Variants in EBNA1BP2 observed in about 807,000 individuals in gnomAD.
EBNA1BP2 encodes the protein probable rRNA-processing protein EBP2.
A neutral mutation model predicts 43.5 loss-of-function variants in EBNA1BP2; 36 were observed. The ratio of observed to expected loss-of-function variants is 0.83; its 90% CI spans 0.63 to 1.09. The LOEUF is 1.09. Among genes scored for constraint, EBNA1BP2 ranks in the 50% least tolerant of loss-of-function variants. EBNA1BP2 has a pLI of 0.00. For missense variants in EBNA1BP2, 332 were observed against 379.1 expected, an observed-to-expected ratio of 0.88 and a Z score of 1.03; for synonymous variants, 127 against 141.3, an observed-to-expected ratio of 0.90 and a Z score of 0.72.
chr1:43,165,367 A>C (rs1406917149), intron 7 of EBNA1BP2, among the ~76,000 whole-genome samples: 2 of 152,182 alleles, frequency 1.3e-5, no homozygotes, highest in Non-Finnish European at 2.9e-5. Flanking sequence ...CTTCCTGTAC[A>C]TATGCCCTCA....
At position 43,164,649 on chromosome 1, in the gene EBNA1BP2, C is replaced by T. The variant is rs144683125; in HGVS notation, c.864G>A (p.Gly288=). The T allele has an allele frequency of 7.4e-6, 12 of 1,614,048 alleles. No individual in the cohort carries two copies. The highest frequency in any genetic ancestry group is 9.3e-6 in the Non-Finnish European group (11 of 1,180,032). Residue 288 remains glycine, a synonymous_variant, in exon 8 of 9, where the codon GGG becomes GGA. Transcript: ENST00000236051. The part of the protein sequence containing the change: ...GRGLKRPGKK[G]SNKRPGKRTR... ...GGCACCTGGGCTCACTTACATTTGA[C>T]CCTTTCTTGCCAGGCCTCTTGAGGC...
rs116729736 is a variant in EBNA1BP2 at position 43,170,080 on chromosome 1, T to C, written c.447+676A>G. Among the ~76,000 whole-genome samples, 30 of 152,354 alleles carry C rather than the reference T, an allele frequency of 2.0e-4. No homozygotes were observed. The East Asian group carries it at 2.9e-3, about 15-fold the overall frequency. On this transcript the variant is annotated intron_variant, in intron 4 of 8. Coordinates refer to ENST00000236051, the MANE Select transcript of EBNA1BP2 (RefSeq NM_006824.3). ...CTTTAAATAGTCTCTAGATTACTTA[T>C]AATACCGAATACAATGCTATGCATC...
Position 43,166,862 on chromosome 1 carries a change from T to G in EBNA1BP2, c.671A>C (p.Lys224Thr). Residue 224 changes from lysine to threonine, a missense_variant, in exon 7 of 9, where the codon AAG becomes ACG. Lys to Thr is a moderately conservative substitution (Grantham distance 78). Coordinates refer to ENST00000236051, the MANE Select transcript of EBNA1BP2 (RefSeq NM_006824.3). The part of the protein sequence containing the change: ...EGDQKPLAQR[K>T]KAGAKGQQMR... ...CTGCTGGCCTTTGGCTCCTGCCTTCTTGCGCTGTGCCAGAGGTTTCTGATC... is the reference window on the plus strand; with the variant it reads ...CTGCTGGCCTTTGGCTCCTGCCTTCGTGCGCTGTGCCAGAGGTTTCTGATC... 1 of 1,613,000 alleles carries G rather than the reference T, an allele frequency of 6.2e-7. No homozygotes were observed. Among genetic ancestry groups the G allele is most frequent in the South Asian group, 1.1e-5 (1 of 90,832 alleles).
chr1:43,164,663 G>A lies in EBNA1BP2; in HGVS notation c.850C>T (p.Pro284Ser), dbSNP rs201723368. 1 of 1,614,184 alleles carries A rather than the reference G, an allele frequency of 6.2e-7. No individual in the cohort carries two copies. ...KTAHGRGLKR[P>S]GKKGSNKRPG... ...CTTACATTTGACCCTTTCTTGCCAG[G>A]CCTCTTGAGGCCTCTGCCATGAGCT... Residue 284 changes from proline to serine, a missense_variant, in exon 8 of 9, where the codon CCT becomes TCT. By Grantham distance (74) the Pro-to-Ser change is moderately conservative (BLOSUM62 -1). This residue lies in a region of EBNA1BP2 where 59 missense variants were observed against 53.3 expected (regional missense o/e 1.11). Coordinates refer to ENST00000236051, the MANE Select transcript of EBNA1BP2 (RefSeq NM_006824.3).
At chr1:43,171,427 A>G (rs1644968774) in intron 3 of EBNA1BP2, 52 bp downstream of exon 3, 2 of 1,552,330 alleles carry the variant, frequency 1.3e-6, no homozygotes, top group African/African-American at 1.4e-5. Flanking sequence ...CCTCTTTCCC[A>G]CTCTCCTGCA....
chr1:43,165,907 C>T (rs909323558), intron 7 of EBNA1BP2, among the ~76,000 whole-genome samples: 1 of 152,168 alleles, frequency 6.6e-6, no homozygotes, highest in Non-Finnish European at 1.5e-5. Flanking sequence ...AAGCAATGCT[C>T]AAGTCGAACG....
Position 43,164,372 on chromosome 1 carries a change from G to T in EBNA1BP2, c.*71C>A. On this transcript the variant is annotated 3_prime_UTR_variant, in exon 9 of 9. Coordinates refer to ENST00000236051, the MANE Select transcript of EBNA1BP2 (RefSeq NM_006824.3). The stretch of plus-strand genomic sequence containing the variant: ...GTTTACAACATGACACCAACAGAAG[G>T]GATCAAAGTGTGTCGTGAAATTGCG... The T allele has an allele frequency of 6.4e-7, 1 of 1,570,436 alleles. No homozygotes were observed. Among genetic ancestry groups the T allele is most frequent in the Non-Finnish European group, 8.8e-7 (1 of 1,140,768 alleles).
intron 6 of EBNA1BP2, 109 bp from the exon 7 acceptor site, chr1:43,167,028 T>C: frequency 6.7e-7 from 1 of 1,485,922 alleles, no homozygotes; most frequent in Non-Finnish European, 9.3e-7. Flanking sequence ...AGTCACATCC[T>C]GCTCTCCAAC....
intron 6 of EBNA1BP2, 69 bp from the exon 7 acceptor site, chr1:43,166,988 G>A (rs914134475): frequency 1.0e-5 from 16 of 1,557,034 alleles, no homozygotes; most frequent in African/African-American, 4.1e-5. Context: ...ACCACCATAT[G>A]AGGCTGTTAT....
At position 43,164,631 on chromosome 1, in the gene EBNA1BP2, G is replaced by A; in HGVS notation, c.870+12C>T. ...GAGCCTGCTCCTCACCCGGGCACCT[G>A]GGCTCACTTACATTTGACCCTTTCT... On this transcript the variant is annotated intron_variant, in intron 8 of 8. Transcript: ENST00000236051. 1 of 1,614,078 alleles carries A rather than the reference G, an allele frequency of 6.2e-7. No individual in the cohort carries two copies.
At chr1:43,171,058 T>C (rs1053168873) in intron 3 of EBNA1BP2, 179 bp from the exon 4 acceptor site, 6 of 895,786 alleles carry the variant, frequency 6.7e-6, no homozygotes, top group African/African-American at 3.5e-5. Flanking sequence ...TGTAGCCGTA[T>C]ACTAGTTTTT....
chr1:43,164,405 A>T lies in EBNA1BP2; in HGVS notation c.*38T>A. 1 of 1,613,498 alleles carries T rather than the reference A, an allele frequency of 6.2e-7. No homozygotes were observed. The highest frequency in any genetic ancestry group is 1.3e-5 in the African/African-American group (1 of 75,026). On this transcript the variant is annotated 3_prime_UTR_variant, in exon 9 of 9. Coordinates refer to ENST00000236051, the MANE Select transcript of EBNA1BP2 (RefSeq NM_006824.3). ...GTGTGTCGTGAAATTGCGAGTCTTCATTCCTTTTTCTTGGTTCTTTGTATT... is the reference window on the plus strand; with the variant it reads ...GTGTGTCGTGAAATTGCGAGTCTTCTTTCCTTTTTCTTGGTTCTTTGTATT...
In EBNA1BP2 at chr1:43,171,656, G is replaced by T. The variant is rs777412671; in HGVS notation, c.151-5C>A. 6.2e-7 allele frequency: 1 copy of T among 1,612,632 alleles called. No homozygotes were observed. Among genetic ancestry groups the T allele is most frequent in the South Asian group, 1.1e-5 (1 of 90,844 alleles). On this transcript the variant is annotated splice_polypyrimidine_tract_variant and splice_region_variant and intron_variant, in intron 2 of 8. Coordinates refer to ENST00000236051, the MANE Select transcript of EBNA1BP2 (RefSeq NM_006824.3). The stretch of plus-strand genomic sequence containing the variant: ...CAAACATTGCTTCAGGCCATTCTAG[G>T]AAATCCAGACACTGAGCTCACAAGA...
At chr1:43,168,504 C>A (rs747015414) in intron 5 of EBNA1BP2, among the ~76,000 whole-genome samples, 1 of 152,134 alleles carries the variant, frequency 6.6e-6, no homozygotes. Flanking sequence ...TCTTCAGGTA[C>A]GTGATTATCA....
At chr1:43,166,268 G>A (rs1749435) in intron 7 of EBNA1BP2, among the ~76,000 whole-genome samples, 30,631 of 152,084 alleles carry the variant, frequency 0.2, 3,578 homozygotes, top group Middle Eastern at 0.3. Context: ...GTGTGATGGG[G>A]AATCAACTTT....
chr1:43,170,913 G>A, intron 3 of EBNA1BP2, 34 bp from the exon 4 acceptor site: 1 of 1,527,702 alleles, frequency 6.5e-7, no homozygotes. Context: ...GTAATGAGGT[G>A]AAGGAGGAGG....
intron 8 of EBNA1BP2, 46 bp downstream of exon 8, chr1:43,164,597 G>A: frequency 6.2e-7 from 1 of 1,613,780 alleles, no homozygotes; most frequent in African/African-American, 1.3e-5. Flanking sequence ...GGGAGTGGGA[G>A]GGGAGGCTGA....
intron 6 of EBNA1BP2, 73 bp from the exon 7 acceptor site, chr1:43,166,992 CTGT>C: frequency 2.6e-6 from 4 of 1,538,462 alleles, no homozygotes; most frequent in Non-Finnish European, 3.6e-6. Context: ...CCATATGAGG[CTGT>C]TATTTGCTAC....
intron 8 of EBNA1BP2, 40 bp downstream of exon 8, chr1:43,164,603 G>C (rs765532570): frequency 1.2e-6 from 2 of 1,613,782 alleles, no homozygotes; most frequent in Non-Finnish European, 1.7e-6. Context: ...GGGAGGGGAG[G>C]CTGAGCCTGC....
Sources: allele counts gnomAD v4.1 joint callset (sites outside exome capture counted in the v4.1 genomes callset), GRCh38; gene constraint gnomAD v4.1.1; regional missense constraint gnomAD v4.1.1; transcripts MANE v1.5; gene names NCBI Gene and HGNC (gene_info 2026-07-23, HGNC 2026-07-21).